Variants in PTPDC1 observed in about 807,000 individuals in gnomAD.
The protein encoded by PTPDC1 is protein tyrosine phosphatase domain containing 1, also known as protein tyrosine phosphatase domain-containing protein 1.
In PTPDC1, 53 loss-of-function variants were observed where a neutral mutation model predicts 75.3. That is an observed-to-expected ratio of 0.70 (90% CI 0.56 to 0.88). PTPDC1 has a LOEUF of 0.88. Among genes scored for constraint, PTPDC1 ranks in the 40% least tolerant of loss-of-function variants. The pLI is 0.00. For synonymous variants in PTPDC1, 349 were observed against 366.2 expected (o/e 0.95, Z 0.54); for missense variants, 925 against 998.6 (o/e 0.93, Z 0.99).
At chr9:94,094,562 C>T (rs1345146469) in intron 4 of PTPDC1, among the ~76,000 whole-genome samples, 1 of 152,132 alleles carries the variant, frequency 6.6e-6, no homozygotes, top group African/African-American at 2.4e-5. Context: ...GAGGTGGAGC[C>T]TATAGAGGCA....
intron 1 of PTPDC1, among the ~76,000 whole-genome samples, chr9:94,058,815 C>T (rs1321835936): frequency 6.6e-6 from 1 of 152,026 alleles, no homozygotes; most frequent in Admixed American, 6.6e-5. Flanking sequence ...ATGGCAAAAC[C>T]CCATCTCTAT....
chr9:94,064,866 C>T (rs372555744), intron 2 of PTPDC1: 3 of 1,421,394 alleles, frequency 2.1e-6, no homozygotes, highest in Non-Finnish European at 2.9e-6. Context: ...TGCAAGCTGG[C>T]ATTTAATAAA....
upstream of PTPDC1, among the ~76,000 whole-genome samples, chr9:94,080,550 C>T (rs1826843207): frequency 6.6e-6 from 1 of 152,198 alleles, no homozygotes; most frequent in South Asian, 2.1e-4. Context: ...ACCTAACACA[C>T]AGACATTGGT....
rs561516049 is a variant in PTPDC1, at chr9:94,071,122, A to G, written c.82+6301A>G. On this transcript the variant is annotated intron_variant, in intron 2 of 9. Transcript: ENST00000375360. ...TTCCAGAGTAGTTGTACCATTTTAC[A>G]TTCCTACCAGCAATGTACGAGTGAT... Among the ~76,000 whole-genome samples, 6 of 152,330 alleles carry G rather than the reference A, an allele frequency of 3.9e-5. No homozygotes were observed. The South Asian group carries it at 1.2e-3, about 32-fold the overall frequency.
chr9:94,065,776 A>G (rs2117874645), intron 2 of PTPDC1, among the ~76,000 whole-genome samples: 1 of 152,316 alleles, frequency 6.6e-6, no homozygotes, highest in Non-Finnish European at 1.5e-5. Context: ...ATTTGTGGAC[A>G]GCTTCTAGGT....
upstream of PTPDC1, among the ~76,000 whole-genome samples, chr9:94,083,237 C>T (rs780697111): frequency 5.3e-5 from 8 of 152,190 alleles, no homozygotes; most frequent in Non-Finnish European, 1.2e-4. Context: ...GTCCTGAGGG[C>T]CTTGCCTAGA....
chr9:94,094,424 G>A (rs566724364), intron 4 of PTPDC1, among the ~76,000 whole-genome samples: 8 of 152,296 alleles, frequency 5.3e-5, no homozygotes, highest in African/African-American at 1.7e-4. Context: ...TGAGGAGGCA[G>A]TCTGCCCGTT....
rs543485083 is a variant in PTPDC1 at position 94,087,465 on chromosome 9, C to T, written c.417-366C>T. ...ATCTAACAGTGCCTTTACTAGACTA[C>T]CTTTTGTACAAGAAAAAGCAGATAA... is the stretch of plus-strand genomic sequence containing the variant. On this transcript the variant is annotated intron_variant, in intron 2 of 8. Coordinates refer to ENST00000620992, the MANE Select transcript of PTPDC1 (RefSeq NM_001253829.2). Among the ~76,000 whole-genome samples the T allele has an allele frequency of 5.3e-5, 8 of 152,212 alleles. No individual in the cohort carries two copies. The South Asian group carries it at 1.0e-3, about 20-fold the overall frequency.
At position 94,104,400 on chromosome 9, in the gene PTPDC1, TC is replaced by T; in HGVS notation, c.2310+17del. On this transcript the variant is annotated intron_variant, in intron 8 of 8. Coordinates refer to ENST00000620992, the MANE Select transcript of PTPDC1 (RefSeq NM_001253829.2). Reference sequence around the variant, plus strand: ...CATTCACTAAGGTGGGTCATACTCTTCCTTTCCCCTCTCTGAACCACAGATC... The same window carrying T: ...CATTCACTAAGGTGGGTCATACTCTTCTTTCCCCTCTCTGAACCACAGATC... 6.6e-7 allele frequency: 1 copy of T among 1,514,096 alleles called. No individual in the cohort carries two copies. Among genetic ancestry groups the T allele is most frequent in the Admixed American group, 1.7e-5 (1 of 59,432 alleles). 93.8% of individuals were successfully genotyped at this position (1,514,096 alleles called of 1,614,324 possible).
intron 2 of PTPDC1, among the ~76,000 whole-genome samples, chr9:94,073,518 A>G (rs889775110): frequency 6.6e-6 from 1 of 151,922 alleles, no homozygotes; most frequent in Non-Finnish European, 1.5e-5. Flanking sequence ...AGGTTTATCA[A>G]TTTTATTAAT....
rs141316344 is a variant in PTPDC1 at position 94,045,167 on chromosome 9, G to A, written c.-7+14040G>A. ...CTTCATCCATATCCCTACAAAGGACGTGAACTCATCATTTTTTATGGCTGC... is the reference window on the plus strand; with the variant it reads ...CTTCATCCATATCCCTACAAAGGACATGAACTCATCATTTTTTATGGCTGC... On this transcript the variant is annotated intron_variant, in intron 1 of 9. Coordinates refer to the PTPDC1 transcript ENST00000375360. Among the ~76,000 whole-genome samples the A allele has an allele frequency of 2.3e-3, 355 of 151,798 alleles. 2 individuals carry two copies. Among genetic ancestry groups the A allele is most frequent in the African/African-American group, 8.0e-3 (333 of 41,392 alleles).
At chr9:94,049,082 T>G (rs930157151) in intron 1 of PTPDC1, among the ~76,000 whole-genome samples, 1 of 152,212 alleles carries the variant, frequency 6.6e-6, no homozygotes. Context: ...TCCTTTTATT[T>G]TGAGCCTATG....
chr9:94,078,852 A>T (rs73518256), intron 2 of PTPDC1, among the ~76,000 whole-genome samples: 8 of 152,056 alleles, frequency 5.3e-5, no homozygotes, highest in Admixed American at 5.2e-4. Context: ...CTTTATTGGT[A>T]TTCTGTATCT....
At chr9:94,050,084 T>C (rs552998436) in intron 1 of PTPDC1, among the ~76,000 whole-genome samples, 30 of 152,296 alleles carry the variant, frequency 2.0e-4, no homozygotes, top group African/African-American at 6.5e-4. Context: ...TAAGGACTTA[T>C]CTGCATTGGT....
chr9:94,079,797 T>TTC (rs971569256), upstream of PTPDC1, among the ~76,000 whole-genome samples: 1 of 152,210 alleles, frequency 6.6e-6, no homozygotes, highest in African/African-American at 2.4e-5. Context: ...AACAGCCCAC[T>TTC]TCTCTGAGTG....
rs1827829864 is a variant in PTPDC1 at position 94,101,266 on chromosome 9, C to G, written c.2014-300C>G. The G allele has an allele frequency of 2.5e-5, 6 of 244,336 alleles. No individual in the cohort carries two copies. In the East Asian group the frequency reaches 4.6e-4, roughly 19 times the overall value. The allele number at this position is 244,336 out of a possible 1,614,324, so 15.1% of individuals were successfully genotyped here. A position where few individuals can be genotyped will look rare whatever the true frequency, so the allele number is the denominator to read the frequency against. ...GAATAAAGTAGAGAACTTGGATTAA[C>G]TAAGCCCTTTCCCTGTGCTATAAGC... On this transcript the variant is annotated intron_variant, in intron 6 of 8. Coordinates refer to ENST00000620992, the MANE Select transcript of PTPDC1 (RefSeq NM_001253829.2).
intron 1 of PTPDC1, among the ~76,000 whole-genome samples, chr9:94,040,532 A>G (rs1825399691): frequency 6.6e-6 from 1 of 152,122 alleles, no homozygotes; most frequent in Non-Finnish European, 1.5e-5. Context: ...GAAAGGTATT[A>G]GTAAAAACTA....
Position 94,098,366 on chromosome 9 carries a change from A to G in PTPDC1, c.1800A>G (p.Arg600=). The change falls in exon 6 of 9, where the codon CGA becomes CGG. Residue 600 remains arginine, a synonymous_variant. Transcript: ENST00000620992. ...TCAGGCAGAACAGCAGGACACCCCG[A>G]AGCCCTCTGGACTGTGGCTCCAGTC... is the stretch of plus-strand genomic sequence containing the variant. ...GSVRQNSRTP[R]SPLDCGSSPK... is the part of the protein sequence containing the mutation. 6.2e-7 allele frequency: 1 copy of G among 1,614,166 alleles called. No individual in the cohort carries two copies. The highest frequency in any genetic ancestry group is 8.5e-7 in the Non-Finnish European group (1 of 1,180,028).
chr9:94,070,601 T>C (rs1325829349), intron 2 of PTPDC1, among the ~76,000 whole-genome samples: 1 of 152,226 alleles, frequency 6.6e-6, no homozygotes, highest in Non-Finnish European at 1.5e-5. Context: ...TTGACATTGT[T>C]TTGGTCAAAA....
Sources: gnomAD v4.1 joint callset for allele counts (sites outside exome capture counted in the v4.1 genomes callset) on GRCh38, gnomAD v4.1.1 for gene constraint, MANE v1.5 for transcripts, NCBI Gene and HGNC (gene_info 2026-07-23, HGNC 2026-07-21) for gene names.